The following FEM1B variants were observed in gnomAD, a reference collection of about 807,000 sequenced individuals.
FEM1B encodes the protein fem-1 homolog B.
A neutral mutation model predicts 38.6 loss-of-function variants in FEM1B; 10 were observed. That is an observed-to-expected ratio of 0.26 (90% CI 0.16 to 0.44). FEM1B has a LOEUF of 0.44. Ranked by LOEUF, FEM1B falls within the 20% of genes least tolerant of loss-of-function variation. The pLI is 1.00. For synonymous variants in FEM1B, 288 were observed against 288.0 expected (o/e 1.00, Z 0.00); for missense variants, 471 against 786.7 (o/e 0.60, Z 4.80).
In FEM1B at chr15:68,289,863, G is replaced by T; in HGVS notation, c.505G>T (p.Val169Leu). Residue 169 changes from valine (V) to leucine (L), a missense_variant, in exon 2 of 2, where the codon GTG becomes TTG. Around this residue, in one of 3 missense-constraint regions of FEM1B, gnomAD observed 380 missense variants for 599.6 expected, o/e 0.63. Transcript: ENST00000306917. The surrounding 1 kb of genome is among the most constrained non-coding windows in gnomAD (Gnocchi z 6.9). Reference sequence around the variant, plus strand: ...TGCGGCATATAAGGGACACACTGATGTGGTCAGATACCTTTTAGAACAACG... The same window carrying T: ...TGCGGCATATAAGGGACACACTGATTTGGTCAGATACCTTTTAGAACAACG... ...MIAAYKGHTDVVRYLLEQRAD... is the reference protein window; with the variant it reads ...MIAAYKGHTDLVRYLLEQRAD... The T allele has an allele frequency of 6.2e-7, 1 of 1,613,992 alleles. No homozygotes were observed. The highest frequency in any genetic ancestry group is 8.5e-7 in the Non-Finnish European group (1 of 1,179,934).
In FEM1B at chr15:68,278,263, TG is replaced by T. The variant is rs1892683673; in HGVS notation, c.-152del. Reference sequence around the variant, plus strand: ...GCCTCCTCTGCGTCTCCGCCTTCCCTGGGCCGCACTGCTGCCTGGGCGCGGC... The same window carrying T: ...GCCTCCTCTGCGTCTCCGCCTTCCCTGGCCGCACTGCTGCCTGGGCGCGGC... On this transcript the variant is annotated 5_prime_UTR_variant, in exon 1 of 2. Coordinates refer to ENST00000306917, the MANE Select transcript of FEM1B (RefSeq NM_015322.5). This position sits in a 1 kb window ranked among gnomAD's most constrained non-coding sequence, Gnocchi z 5.7. The T allele has an allele frequency of 1.0e-6, 1 of 997,386 alleles. No individual in the cohort carries two copies. The highest frequency in any genetic ancestry group is 2.7e-5 in the East Asian group (1 of 37,590). The allele number at this position is 997,386 out of a possible 1,614,324, so 61.8% of individuals were successfully genotyped here.
rs918991903 is a variant in FEM1B at position 68,292,123 on chromosome 15, C to G, written c.*881C>G. 7 of 152,108 alleles carry G rather than the reference C, an allele frequency of 4.6e-5. No homozygotes were observed. Among genetic ancestry groups the G allele is most frequent in the African/African-American group, 1.2e-4 (5 of 41,416 alleles). 9.4% of individuals were successfully genotyped at this position (152,108 alleles called of 1,614,324 possible). A position where few individuals can be genotyped will look rare whatever the true frequency, so the allele number is the denominator to read the frequency against. On this transcript the variant is annotated 3_prime_UTR_variant, in exon 2 of 2. Transcript: ENST00000306917. ...CCCCTTTTCCCTTTTTCTCCTGTAT[C>G]TTTTAAAATTTGGAAACTACTTTTC...
Position 68,277,791 on chromosome 15 carries a change from A to G in FEM1B, c.-627A>G, listed in dbSNP as rs1892671987. Reference sequence around the variant, plus strand: ...CGAAAGCTCGTCTTCCTCCCCGCCCAAGTTCCGGCGCCGCTCTTGCGGGAG... The same window carrying G: ...CGAAAGCTCGTCTTCCTCCCCGCCCGAGTTCCGGCGCCGCTCTTGCGGGAG... On this transcript the variant is annotated 5_prime_UTR_variant, in exon 1 of 2. Coordinates refer to ENST00000306917, the MANE Select transcript of FEM1B (RefSeq NM_015322.5). 6.6e-6 allele frequency: 1 copy of G among 152,310 alleles called. No individual in the cohort carries two copies. Among genetic ancestry groups the G allele is most frequent in the Non-Finnish European group, 1.5e-5 (1 of 68,056 alleles). 9.4% of individuals were successfully genotyped at this position (152,310 alleles called of 1,614,324 possible). A position where few individuals can be genotyped will look rare whatever the true frequency, so the allele number is the denominator to read the frequency against.
rs1433268525 is a variant in FEM1B at position 68,278,957 on chromosome 15, C to T, written c.248+292C>T. 6.6e-6 allele frequency among the ~76,000 whole-genome samples: 1 copy of T among 152,156 alleles called. No homozygotes were observed. The highest frequency in any genetic ancestry group is 1.9e-4 in the East Asian group (1 of 5,202). ...TCTTCTCTACTAGATAGTCTGTGAA[C>T]AAGCCATTTGGAGGAGGTGGCTGCC... On this transcript the variant is annotated intron_variant, in intron 1 of 1. Coordinates refer to ENST00000306917, the MANE Select transcript of FEM1B (RefSeq NM_015322.5). This position sits in a 1 kb window ranked among gnomAD's most constrained non-coding sequence, Gnocchi z 5.7.
rs1005487213 is a variant in FEM1B, at chr15:68,289,330, C to G, written c.249-277C>G. On this transcript the variant is annotated intron_variant, in intron 1 of 1. Transcript: ENST00000306917. This position sits in a 1 kb window ranked among gnomAD's most constrained non-coding sequence, Gnocchi z 6.9. ...CTCTGTGCCTTCTGAAGTGTCTTTA[C>G]TTTTGCTAGTAGAAAGTTCGTGATT... 2 of 347,346 alleles carry G rather than the reference C, an allele frequency of 5.8e-6. No homozygotes were observed. Among genetic ancestry groups the G allele is most frequent in the East Asian group, 1.0e-4 (2 of 19,856 alleles). 21.5% of individuals were successfully genotyped at this position (347,346 alleles called of 1,614,324 possible).
chr15:68,278,128 G>A lies in FEM1B; in HGVS notation c.-290G>A. On this transcript the variant is annotated 5_prime_UTR_variant, in exon 1 of 2. Transcript: ENST00000306917. This position sits in a 1 kb window ranked among gnomAD's most constrained non-coding sequence, Gnocchi z 5.7. Reference sequence around the variant, plus strand: ...CGGCCTGAGGCCCGGGGCGGCGTCCGCCATGGAGATCCCCTCGGTCCAGGG... The same window carrying A: ...CGGCCTGAGGCCCGGGGCGGCGTCCACCATGGAGATCCCCTCGGTCCAGGG... The A allele has an allele frequency of 3.0e-6, 1 of 329,584 alleles. No individual in the cohort carries two copies. The highest frequency in any genetic ancestry group is 4.3e-5 in the South Asian group (1 of 23,116). 20.4% of individuals were successfully genotyped at this position (329,584 alleles called of 1,614,324 possible).
At position 68,278,323 on chromosome 15, in the gene FEM1B, G is replaced by T; in HGVS notation, c.-95G>T. 4.8e-6 allele frequency: 7 copies of T among 1,470,624 alleles called. No homozygotes were observed. Among genetic ancestry groups the T allele is most frequent in the Non-Finnish European group, 6.4e-6 (7 of 1,099,852 alleles). The allele number at this position is 1,470,624 out of a possible 1,614,324, so 91.1% of individuals were successfully genotyped here. ...CGGCGCCCTGTTGAATGGGCTGTGA[G>T]GGCCCAGGTTTAAAGCGCTGGCGAA... On this transcript the variant is annotated 5_prime_UTR_variant, in exon 1 of 2. In the 5' UTR this introduces an upstream ATG that the reference lacks. Transcript: ENST00000306917. The surrounding 1 kb of genome is among the most constrained non-coding windows in gnomAD (Gnocchi z 5.7).
chr15:68,289,391 AGT>A lies in FEM1B; in HGVS notation c.249-215_249-214del. On this transcript the variant is annotated intron_variant, in intron 1 of 1. Transcript: ENST00000306917. This position sits in a 1 kb window ranked among gnomAD's most constrained non-coding sequence, Gnocchi z 6.9. The stretch of plus-strand genomic sequence containing the variant: ...GTTTTTTAGGGTTATATACTCTAGT[AGT>A]AACAGTAATAGCTAGCATATATTGA... 1 of 556,238 alleles carries A rather than the reference AGT, an allele frequency of 1.8e-6. No homozygotes were observed. The highest frequency in any genetic ancestry group is 2.9e-5 in the East Asian group (1 of 34,410). 34.5% of individuals were successfully genotyped at this position (556,238 alleles called of 1,614,324 possible).
At chr15:68,285,785 G>GC (rs34601322) in intron 1 of FEM1B, among the ~76,000 whole-genome samples, 3,625 of 151,014 alleles carry the variant, frequency 0.024, 71 homozygotes, top group Non-Finnish European at 0.034. Flanking sequence ...CCTCTTCTTA[G>GC]CCCCCCCGCA....
At position 68,292,393 on chromosome 15, in the gene FEM1B, TAC is replaced by T. The variant is rs990018075; in HGVS notation, c.*1153_*1154del. 11 of 152,186 alleles carry T rather than the reference TAC, an allele frequency of 7.2e-5. No individual in the cohort carries two copies. Among genetic ancestry groups the T allele is most frequent in the African/African-American group, 2.7e-4 (11 of 41,466 alleles). The allele number at this position is 152,186 out of a possible 1,614,324, so 9.4% of individuals were successfully genotyped here. Reference sequence around the variant, plus strand: ...AAATGTCACTTATTCCTACAGGCTATACAGAGGTCTTTATGGTTTTTTTGTTT... The same window carrying T: ...AAATGTCACTTATTCCTACAGGCTATAGAGGTCTTTATGGTTTTTTTGTTT... On this transcript the variant is annotated 3_prime_UTR_variant, in exon 2 of 2. Coordinates refer to ENST00000306917, the MANE Select transcript of FEM1B (RefSeq NM_015322.5).
rs756406918 is a variant in FEM1B at position 68,290,688 on chromosome 15, C to A, written c.1330C>A (p.Leu444Ile). 4 of 1,613,960 alleles carry A rather than the reference C, an allele frequency of 2.5e-6. No individual in the cohort carries two copies. The highest frequency in any genetic ancestry group is 3.4e-6 in the Non-Finnish European group (4 of 1,179,880). ...HNAMDNYECN[L>I]YTFLYLVCIS... Reference sequence around the variant, plus strand: ...TGCTATGGACAATTATGAATGTAATCTCTATACCTTTCTGTATTTAGTGTG... The same window carrying A: ...TGCTATGGACAATTATGAATGTAATATCTATACCTTTCTGTATTTAGTGTG... Residue 444 changes from leucine (L) to isoleucine (I), a missense_variant, in exon 2 of 2, where the codon CTC becomes ATC. Transcript: ENST00000306917. This position sits in a 1 kb window ranked among gnomAD's most constrained non-coding sequence, Gnocchi z 9.7.
chr15:68,282,134 G>T (rs930695027), intron 1 of FEM1B, among the ~76,000 whole-genome samples: 4 of 152,120 alleles, frequency 2.6e-5, no homozygotes, highest in Admixed American at 2.0e-4. Flanking sequence ...CATTGTGCTG[G>T]CCTGAGTTCT....
chr15:68,280,775 C>G lies in FEM1B; in HGVS notation c.248+2110C>G, dbSNP rs993727005. On this transcript the variant is annotated intron_variant, in intron 1 of 1. Transcript: ENST00000306917. This position sits in a 1 kb window ranked among gnomAD's most constrained non-coding sequence, Gnocchi z 4.2. Reference sequence around the variant, plus strand: ...AGTAAGACTGGTTAAACTGCAATCTCAAATGTTTCCATCATTTAAGATTTC... The same window carrying G: ...AGTAAGACTGGTTAAACTGCAATCTGAAATGTTTCCATCATTTAAGATTTC... 1.4e-4 allele frequency among the ~76,000 whole-genome samples: 22 copies of G among 152,144 alleles called. No homozygotes were observed. Among genetic ancestry groups the G allele is most frequent in the Non-Finnish European group, 8.8e-5 (6 of 68,022 alleles).
rs1487910758 is a variant in FEM1B, at chr15:68,295,676, T to C, written c.*4434T>C. 3 of 152,246 alleles carry C rather than the reference T, an allele frequency of 2.0e-5. No individual in the cohort carries two copies. The highest frequency in any genetic ancestry group is 2.4e-5 in the African/African-American group (1 of 41,470). 9.4% of individuals were successfully genotyped at this position (152,246 alleles called of 1,614,324 possible). On this transcript the variant is annotated 3_prime_UTR_variant, in exon 2 of 2. Coordinates refer to ENST00000306917, the MANE Select transcript of FEM1B (RefSeq NM_015322.5). ...ACTTTAATAAACATAGTAAACTTGCTGACTGCACCAGAGGTCCATTAGTGA... is the reference window on the plus strand; with the variant it reads ...ACTTTAATAAACATAGTAAACTTGCCGACTGCACCAGAGGTCCATTAGTGA...
rs980755316 is a variant in FEM1B, at chr15:68,287,598, C to T, written c.249-2009C>T. 3.9e-5 allele frequency among the ~76,000 whole-genome samples: 6 copies of T among 152,272 alleles called. No homozygotes were observed. The East Asian group carries it at 1.2e-3, about 29-fold the overall frequency. ...TGTGGTGATGTTAACTGGGGTTAAA[C>T]CATGATATTTATATGTCTTAGTCTG... On this transcript the variant is annotated intron_variant, in intron 1 of 1. Transcript: ENST00000306917.
In FEM1B at chr15:68,282,923, T is replaced by C. The variant is rs575201838; in HGVS notation, c.248+4258T>C. ...GAAATTCTAAATTTACCAAGGCTAA[T>C]GTTTCTGAAGGACCAGTCTTGTGAA... On this transcript the variant is annotated intron_variant, in intron 1 of 1. Transcript: ENST00000306917. Among the ~76,000 whole-genome samples, 4 of 152,364 alleles carry C rather than the reference T, an allele frequency of 2.6e-5. No individual in the cohort carries two copies. The East Asian group carries it at 7.7e-4, about 29-fold the overall frequency.
At position 68,290,162 on chromosome 15, in the gene FEM1B, C is replaced by T. The variant is rs1218177035; in HGVS notation, c.804C>T (p.Asp268=). 6.2e-7 allele frequency: 1 copy of T among 1,613,972 alleles called. No homozygotes were observed. Among genetic ancestry groups the T allele is most frequent in the Non-Finnish European group, 8.5e-7 (1 of 1,179,964 alleles). ...TTGCAAATGACCGTGAGAACTATGA[C>T]ATCATAAAGACATACCACTATCTAT... The part of the protein sequence containing the change: ...ASFANDRENY[D]IIKTYHYLYL... The change falls in exon 2 of 2, where the codon GAC becomes GAT. Residue 268 remains aspartate, a synonymous_variant. Coordinates refer to ENST00000306917, the MANE Select transcript of FEM1B (RefSeq NM_015322.5). The surrounding 1 kb of genome is among the most constrained non-coding windows in gnomAD (Gnocchi z 9.7).
chr15:68,293,081 TACC>T lies in FEM1B; in HGVS notation c.*1841_*1843del, dbSNP rs916823949. 6.6e-6 allele frequency: 1 copy of T among 152,178 alleles called. No homozygotes were observed. Among genetic ancestry groups the T allele is most frequent in the Non-Finnish European group, 1.5e-5 (1 of 68,012 alleles). 9.4% of individuals were successfully genotyped at this position (152,178 alleles called of 1,614,324 possible). On this transcript the variant is annotated 3_prime_UTR_variant, in exon 2 of 2. Transcript: ENST00000306917. The surrounding 1 kb of genome is among the most constrained non-coding windows in gnomAD (Gnocchi z 5.8). ...TTTGAGTGAGCCCTAATTTGAAAAT[TACC>T]AGACTTGATCCTCCTGGTATGAATC... is the stretch of plus-strand genomic sequence containing the variant.
intron 1 of FEM1B, among the ~76,000 whole-genome samples, chr15:68,279,540 A>G (rs1892704285): frequency 6.6e-6 from 1 of 151,968 alleles, no homozygotes; most frequent in African/African-American, 2.4e-5. Flanking sequence ...TTTGCTACAT[A>G]TGTTTTGGTT....
Sources: allele counts gnomAD v4.1 joint callset (sites outside exome capture counted in the v4.1 genomes callset), GRCh38; gene constraint gnomAD v4.1.1; regional missense constraint gnomAD v4.1.1; non-coding constraint Gnocchi (gnomAD v3.1); transcripts MANE v1.5; gene names NCBI Gene and HGNC (gene_info 2026-07-23, HGNC 2026-07-21).